Variants in RBFOX1 observed in about 807,000 individuals in gnomAD.
RBFOX1 encodes RNA binding fox-1 homolog 1.
A neutral mutation model predicts 57.7 loss-of-function variants in RBFOX1; 8 were observed. The ratio of observed to expected loss-of-function variants is 0.14; its 90% confidence interval spans 0.08 to 0.25. The LOEUF (loss-of-function observed/expected upper bound fraction) is 0.25, where lower values mean the gene tolerates loss of function less well. Ranked by LOEUF, RBFOX1 falls within the 10% of genes least tolerant of loss-of-function variation. The pLI is 1.00. For missense variants in RBFOX1, 611 were observed against 548.5 expected, an observed-to-expected ratio of 1.11 and a Z score of -1.14; for synonymous variants, 326 against 222.4, an observed-to-expected ratio of 1.47 and a Z score of -4.15.
At chr16:6,857,002 A>T (rs1343265957) in intron 3 of RBFOX1, among the ~76,000 whole-genome samples, 1 of 152,138 alleles carries the variant, frequency 6.6e-6, no homozygotes, top group African/African-American at 2.4e-5. Flanking sequence ...TAAATATTAG[A>T]CATGCTTTGG....
intron 4 of RBFOX1, among the ~76,000 whole-genome samples, chr16:7,248,451 G>T (rs2094392467): frequency 6.6e-6 from 1 of 152,134 alleles, no homozygotes; most frequent in South Asian, 2.1e-4. Flanking sequence ...TGGGGGAAAA[G>T]GTAGGATCTG....
At position 6,759,447 on chromosome 16, in the gene RBFOX1, A is replaced by G. The variant is rs548000549; in HGVS notation, c.-16+104797A>G. On this transcript the variant is annotated intron_variant, in intron 3 of 15. Coordinates refer to ENST00000550418, the MANE Select transcript of RBFOX1 (RefSeq NM_018723.4). ...ACCCAATTAATTCTTTAGTCAACCA[A>G]CTTCATTTCTTGATATGTCAGTTGT... Among the ~76,000 whole-genome samples, 8 of 146,462 alleles carry G rather than the reference A, an allele frequency of 5.5e-5. No individual in the cohort carries two copies. The South Asian group carries it at 1.1e-3, about 20-fold the overall frequency.
intron 3 of RBFOX1, among the ~76,000 whole-genome samples, chr16:6,947,379 A>C (rs1281442973): frequency 6.6e-6 from 1 of 152,204 alleles, no homozygotes; most frequent in Admixed American, 6.5e-5. Context: ...TTTGCATCTT[A>C]ATCGCTCTCC....
chr16:6,869,456 C>A (rs1020516417), intron 3 of RBFOX1, among the ~76,000 whole-genome samples: 1 of 120,984 alleles, frequency 8.3e-6, no homozygotes, highest in East Asian at 2.8e-4. Context: ...AAGGAGTTCC[C>A]TTACTGTCTT....
At chr16:6,884,515 A>C (rs1056621975) in intron 3 of RBFOX1, among the ~76,000 whole-genome samples, 2 of 152,216 alleles carry the variant, frequency 1.3e-5, no homozygotes, top group Non-Finnish European at 2.9e-5. Flanking sequence ...AACTGTGTTG[A>C]TGACATGTTA....
chr16:6,952,130 A>G (rs561286254), intron 3 of RBFOX1, among the ~76,000 whole-genome samples: 1 of 152,262 alleles, frequency 6.6e-6, no homozygotes, highest in South Asian at 2.1e-4. Context: ...ATTTCCCCAC[A>G]AGTGCTTCGC....
intron 4 of RBFOX1, among the ~76,000 whole-genome samples, chr16:7,080,575 C>T (rs893013326): frequency 1.3e-5 from 2 of 152,100 alleles, no homozygotes; most frequent in Admixed American, 6.5e-5. Flanking sequence ...TCAGAGATTC[C>T]TCAGCAATTT....
chr16:5,898,425 G>A (rs569003216), intron 4 of RBFOX1, among the ~76,000 whole-genome samples: 22 of 152,124 alleles, frequency 1.4e-4, no homozygotes, highest in African/African-American at 4.8e-4. Context: ...GACATAAAAC[G>A]TATCAGACCT....
chr16:7,260,209 G>A (rs568268710), intron 4 of RBFOX1, among the ~76,000 whole-genome samples: 9 of 152,268 alleles, frequency 5.9e-5, no homozygotes, highest in Middle Eastern at 3.4e-3. Context: ...TGCTTTTAGC[G>A]TAATTAAAGT....
intron 3 of RBFOX1, among the ~76,000 whole-genome samples, chr16:5,743,031 G>A (rs1341098896): frequency 6.6e-6 from 1 of 152,154 alleles, no homozygotes; most frequent in Non-Finnish European, 1.5e-5. Flanking sequence ...GATTAACTCC[G>A]CTTACTATTA....
At chr16:7,548,080 C>G (rs182404189) in intron 5 of RBFOX1, among the ~76,000 whole-genome samples, 21 of 152,328 alleles carry the variant, frequency 1.4e-4, no homozygotes, top group Admixed American at 3.3e-4. Flanking sequence ...GCTACTTATT[C>G]TGTTCATTTT....
At chr16:7,059,008 A>G (rs1531562) in intron 4 of RBFOX1, among the ~76,000 whole-genome samples, 108,627 of 152,086 alleles carry the variant, frequency 0.71, 39,494 homozygotes, top group East Asian at 0.91. Flanking sequence ...TGCATTATCA[A>G]TATTTAATTT....
At position 6,562,698 on chromosome 16, in the gene RBFOX1, C is replaced by T. The variant is rs186676097; in HGVS notation, c.-63-91905C>T. On this transcript the variant is annotated intron_variant, in intron 2 of 15. Transcript: ENST00000550418. ...GTCTCTTACTTGGAACCAGGTGAAA[C>T]AGTGATTTATGAAATGCCCTTTAAA... is the stretch of plus-strand genomic sequence containing the variant. Among the ~76,000 whole-genome samples, 253 of 152,224 alleles carry T rather than the reference C, an allele frequency of 1.7e-3. 1 individual carries two copies. The highest frequency in any genetic ancestry group is 0.01 in the Middle Eastern group (3 of 294).
At chr16:6,013,380 A>G (rs966370442) in intron 4 of RBFOX1, among the ~76,000 whole-genome samples, 2 of 152,210 alleles carry the variant, frequency 1.3e-5, no homozygotes, top group East Asian at 1.9e-4. Flanking sequence ...TGTTCTTTAT[A>G]TAGGCAGGCT....
At chr16:7,342,459 G>C (rs1368435701) in intron 4 of RBFOX1, among the ~76,000 whole-genome samples, 2 of 152,196 alleles carry the variant, frequency 1.3e-5, no homozygotes, top group Admixed American at 6.5e-5. Context: ...AATCCGATTT[G>C]ACAATCAGCT....
intron 1 of RBFOX1, among the ~76,000 whole-genome samples, chr16:6,312,690 TTCCTTCCTTCC>T (rs1173448903): frequency 6.7e-6 from 1 of 149,872 alleles, no homozygotes; most frequent in East Asian, 2.0e-4. Context: ...CCTTCCTTCC[TTCCTTCCTTCC>T]TTCCTTCCTT....
At position 5,704,317 on chromosome 16, in the gene RBFOX1, A is replaced by G. The variant is rs116678579; in HGVS notation, c.318+105356A>G. ...GAACTCTGGAGCCTAATCCATCACT[A>G]GAAGGTAGAAATTAAGTACTCTCTG... On this transcript the variant is annotated intron_variant, in intron 3 of 19. Transcript: ENST00000641259. Among the ~76,000 whole-genome samples, 1,336 of 152,218 alleles carry G rather than the reference A, an allele frequency of 8.8e-3. 28 individuals carry two copies. Among genetic ancestry groups the G allele is most frequent in the African/African-American group, 0.031 (1,274 of 41,552 alleles).
chr16:5,747,280 G>A (rs1021345016), intron 3 of RBFOX1, among the ~76,000 whole-genome samples: 57 of 152,156 alleles, frequency 3.7e-4, no homozygotes, highest in African/African-American at 1.3e-3. Flanking sequence ...GCTGGATTCA[G>A]TTTGCCAGTA....
chr16:6,423,915 T>C (rs1683977074), intron 2 of RBFOX1, among the ~76,000 whole-genome samples: 1 of 152,068 alleles, frequency 6.6e-6, no homozygotes, highest in African/African-American at 2.4e-5. Context: ...TAGGAAACAG[T>C]CTTGCATTTG....
Sources: gnomAD v4.1 joint callset for allele counts (sites outside exome capture counted in the v4.1 genomes callset) on GRCh38, gnomAD v4.1.1 for gene constraint, MANE v1.5 for transcripts, NCBI Gene and HGNC (gene_info 2026-07-23, HGNC 2026-07-21) for gene names.